KIF1C: variants seen among roughly 807,000 people sequenced by gnomAD.
KIF1C encodes kinesin family member 1C.
A neutral mutation model predicts 126.5 loss-of-function variants in KIF1C; 61 were observed. That is an observed-to-expected ratio of 0.48 (90% CI 0.39 to 0.60). KIF1C has a LOEUF of 0.60. KIF1C is among the 20% of genes least tolerant of loss of function. The pLI, the probability that KIF1C is intolerant of heterozygous loss-of-function variation, is 0.00. For synonymous variants in KIF1C, 640 were observed against 580.6 expected, an observed-to-expected ratio of 1.10 and a Z score of -1.47; for missense variants, 1,315 against 1,489.2, an observed-to-expected ratio of 0.88 and a Z score of 1.93.
In KIF1C at chr17:5,020,031, A is replaced by T. The variant is rs1975055352; in HGVS notation, c.1702A>T (p.Thr568Ser). The T allele has an allele frequency of 3.7e-6, 6 of 1,605,398 alleles. No homozygotes were observed. The South Asian group carries it at 6.7e-5, about 18-fold the overall frequency. ...TCTGGAGCCTTGTGAAGGAGCTGAG[A>T]CATATGTGAATGGGAAGCTTGTGAC... ...VTLEPCEGAE[T>S]YVNGKLVTEP... The change falls in exon 19 of 23, where the codon ACA becomes TCA. Residue 568 changes from threonine to serine, a missense_variant. By Grantham distance (58) the Thr-to-Ser change is moderately conservative. This residue lies in a region of KIF1C where 874 missense variants were observed against 1,053.2 expected (regional missense o/e 0.83). Coordinates refer to ENST00000320785, the MANE Select transcript of KIF1C (RefSeq NM_006612.6). This position sits in a 1 kb window ranked among gnomAD's most constrained non-coding sequence, Gnocchi z 5.8.
rs1294540883 is a variant in KIF1C at position 5,013,842 on chromosome 17, G to A, written c.1571+110G>A. 15 of 776,220 alleles carry A rather than the reference G, an allele frequency of 1.9e-5. No homozygotes were observed. The East Asian group carries it at 3.9e-4, about 20-fold the overall frequency. 48.1% of individuals were successfully genotyped at this position (776,220 alleles called of 1,614,324 possible). On this transcript the variant is annotated intron_variant, in intron 17 of 22. Transcript: ENST00000320785. Reference sequence around the variant, plus strand: ...CCTGGTGGTCCCTGGAGATACCTCAGATCTCTAAACAGCTGCCTCCACAGC... The same window carrying A: ...CCTGGTGGTCCCTGGAGATACCTCAAATCTCTAAACAGCTGCCTCCACAGC...
At chr17:5,015,582 C>CT (rs58961639) in intron 18 of KIF1C, among the ~76,000 whole-genome samples, 5,306 of 71,198 alleles carry the variant, frequency 0.075, 546 homozygotes, top group African/African-American at 0.11. Context: ...CTGCCCCCAG[C>CT]TTTTTTTTTT....
At position 5,020,346 on chromosome 17, in the gene KIF1C, G is replaced by A. The variant is rs1328957570; in HGVS notation, c.1751-146G>A. On this transcript the variant is annotated intron_variant, in intron 19 of 22. Transcript: ENST00000320785. This position sits in a 1 kb window ranked among gnomAD's most constrained non-coding sequence, Gnocchi z 5.8. ...GTTGGTCCCTGGGTGTCAGCCAGGG[G>A]AGCATAGGCTCCAACTGCCTTCAGA... is the stretch of plus-strand genomic sequence containing the variant. 9 of 870,164 alleles carry A rather than the reference G, an allele frequency of 1.0e-5. No homozygotes were observed. Among genetic ancestry groups the A allele is most frequent in the Middle Eastern group, 6.4e-4 (2 of 3,114 alleles). The allele number at this position is 870,164 out of a possible 1,614,324, so 53.9% of individuals were successfully genotyped here.
intron 13 of KIF1C, among the ~76,000 whole-genome samples, chr17:5,006,078 G>T (rs1177286257): frequency 6.7e-6 from 1 of 149,220 alleles, no homozygotes; most frequent in African/African-American, 2.5e-5. Context: ...GTGGTGGCAC[G>T]CACCTGTAAT....
chr17:5,020,139 G>A lies in KIF1C; in HGVS notation c.1750+60G>A. The A allele has an allele frequency of 7.6e-7, 1 of 1,318,854 alleles. No homozygotes were observed. Among genetic ancestry groups the A allele is most frequent in the Non-Finnish European group, 1.1e-6 (1 of 933,628 alleles). 81.7% of individuals were successfully genotyped at this position (1,318,854 alleles called of 1,614,324 possible). A position where few individuals can be genotyped will look rare whatever the true frequency, so the allele number is the denominator to read the frequency against. On this transcript the variant is annotated intron_variant, in intron 19 of 22. Transcript: ENST00000320785. The surrounding 1 kb of genome is among the most constrained non-coding windows in gnomAD (Gnocchi z 5.8). Reference sequence around the variant, plus strand: ...CGTGGCTGTGTGTAGGAAGTCTCAAGGGAGGTCCTTCTGGGTGCATCCTAG... The same window carrying A: ...CGTGGCTGTGTGTAGGAAGTCTCAAAGGAGGTCCTTCTGGGTGCATCCTAG...
intron 18 of KIF1C, among the ~76,000 whole-genome samples, chr17:5,018,963 C>T (rs908098070): frequency 3.9e-5 from 6 of 152,104 alleles, no homozygotes; most frequent in African/African-American, 1.4e-4. Context: ...ATGGCACCCC[C>T]TCTAGGCACC....
rs771628064 is a variant in KIF1C, at chr17:5,020,527, C to T, written c.1786C>T (p.Arg596Cys). Residue 596 changes from arginine (R) to cysteine (C), a missense_variant, in exon 20 of 23, where the codon CGC (arginine) becomes TGC (cysteine). Physicochemically the swap from Arg to Cys is radical, Grantham distance 180. Around this residue, in one of 2 missense-constraint regions of KIF1C, gnomAD observed 874 missense variants for 1,053.2 expected, o/e 0.83. Coordinates refer to ENST00000320785, the MANE Select transcript of KIF1C (RefSeq NM_006612.6). This position sits in a 1 kb window ranked among gnomAD's most constrained non-coding sequence, Gnocchi z 5.8. ...RIVMGKNHVF[R>C]FNHPEQARLE... is the part of the protein sequence containing the mutation. ...TGTGATGGGCAAGAACCACGTTTTC[C>T]GCTTCAACCACCCGGAGCAGGCAAG... is the stretch of plus-strand genomic sequence containing the variant. 1.9e-6 allele frequency: 3 copies of T among 1,614,052 alleles called. No individual in the cohort carries two copies. The highest frequency in any genetic ancestry group is 2.5e-6 in the Non-Finnish European group (3 of 1,179,924).
In KIF1C at chr17:5,020,560, C is replaced by T. The variant is rs762096055; in HGVS notation, c.1819C>T (p.Arg607Trp). Residue 607 changes from arginine (R) to tryptophan (W), a missense_variant, in exon 20 of 23, where the codon CGG (arginine) becomes TGG (tryptophan). By Grantham distance (101) the Arg-to-Trp change is moderately radical. This residue lies in a region of KIF1C where 874 missense variants were observed against 1,053.2 expected (regional missense o/e 0.83). Coordinates refer to ENST00000320785, the MANE Select transcript of KIF1C (RefSeq NM_006612.6). The surrounding 1 kb of genome is among the most constrained non-coding windows in gnomAD (Gnocchi z 5.8). ...CCACCCGGAGCAGGCAAGGCTGGAACGGGAACGAGGGGTCCCCCCACCCCC... is the reference window on the plus strand; with the variant it reads ...CCACCCGGAGCAGGCAAGGCTGGAATGGGAACGAGGGGTCCCCCCACCCCC... ...FNHPEQARLE[R>W]ERGVPPPPGP... 9.3e-6 allele frequency: 15 copies of T among 1,614,114 alleles called. No individual in the cohort carries two copies. The highest frequency in any genetic ancestry group is 2.7e-5 in the African/African-American group (2 of 74,950).
intron 16 of KIF1C, among the ~76,000 whole-genome samples, chr17:5,011,199 C>G (rs1974858788): frequency 6.6e-6 from 1 of 152,116 alleles, no homozygotes; most frequent in South Asian, 2.1e-4. Context: ...GAAGAGAGAA[C>G]TGTTAGACTC....
At chr17:5,013,295 G>A (rs747741671) in intron 16 of KIF1C, among the ~76,000 whole-genome samples, 1 of 152,122 alleles carries the variant, frequency 6.6e-6, no homozygotes. Flanking sequence ...GGGGGTCCGG[G>A]GCTTCTGGTG....
rs752616609 is a variant in KIF1C at position 5,007,034 on chromosome 17, C to T, written c.1285C>T (p.Pro429Ser). 1.9e-6 allele frequency: 3 copies of T among 1,607,714 alleles called. No individual in the cohort carries two copies. The highest frequency in any genetic ancestry group is 1.3e-5 in the African/African-American group (1 of 74,184). ...HNGELEPSFS[P>S]NTESQIGPEE... is the part of the protein sequence containing the mutation. ...TGGGGAGCTGGAGCCGTCATTCTCCCCCAACACGGAGTCCCAGATTGGGCC... is the reference window on the plus strand; with the variant it reads ...TGGGGAGCTGGAGCCGTCATTCTCCTCCAACACGGAGTCCCAGATTGGGCC... The change falls in exon 14 of 23, where the codon CCC (proline) becomes TCC (serine). Residue 429 changes from proline to serine, a missense_variant. By Grantham distance (74) the Pro-to-Ser change is moderately conservative. This residue lies in a region of KIF1C where 874 missense variants were observed against 1,053.2 expected (regional missense o/e 0.83). Coordinates refer to ENST00000320785, the MANE Select transcript of KIF1C (RefSeq NM_006612.6).
intron 13 of KIF1C, 66 bp downstream of exon 13, chr17:5,005,066 C>T: frequency 6.2e-6 from 10 of 1,603,066 alleles, no homozygotes; most frequent in Non-Finnish European, 8.5e-6. Flanking sequence ...CCTCACTTGC[C>T]TTTGCCCAGT....
intron 2 of KIF1C, 23 bp from the exon 3 acceptor site, chr17:5,000,197 C>A (rs767465633): frequency 1.3e-5 from 18 of 1,370,118 alleles, no homozygotes; most frequent in Non-Finnish European, 1.8e-5. Flanking sequence ...TCTGACCCCA[C>A]CACTCCTTTC....
rs769053728 is a variant in KIF1C at position 5,000,256 on chromosome 17, G to T, written c.10G>T (p.Ala4Ser). The T allele has an allele frequency of 1.1e-5, 17 of 1,571,218 alleles. No homozygotes were observed. Among genetic ancestry groups the T allele is most frequent in the Non-Finnish European group, 1.5e-5 (17 of 1,159,260 alleles). ...AGGAGTGTCTGGAGCTATGGCTGGT[G>T]CCTCGGTGAAAGTGGCAGTGAGGGT... MAG[A>S]SVKVAVRVRP... Residue 4 changes from alanine to serine, a missense_variant, in exon 3 of 23, where the codon GCC (alanine) becomes TCC (serine). Physicochemically the swap from Ala to Ser is moderately conservative, Grantham distance 99. This residue lies in a region of KIF1C where 874 missense variants were observed against 1,053.2 expected (regional missense o/e 0.83). Transcript: ENST00000320785.
rs62072492 is a variant in KIF1C, at chr17:5,023,927, C to T, written c.3088C>T (p.Arg1030Cys). The T allele has an allele frequency of 1.2e-4, 193 of 1,569,962 alleles. 1 individual carries two copies. The highest frequency in any genetic ancestry group is 1.7e-4 in the Middle Eastern group (1 of 5,830). The change falls in exon 23 of 23, where the codon CGC becomes TGC. Residue 1030 changes from arginine to cysteine, a missense_variant. Arg to Cys is a radical substitution (Grantham distance 180). This residue lies in a region of KIF1C where 441 missense variants were observed against 436.1 expected (regional missense o/e 1.01). Transcript: ENST00000320785. The surrounding 1 kb of genome is among the most constrained non-coding windows in gnomAD (Gnocchi z 4.2). ...PPSPRRSHHP[R>C]RNSLDGGGRS... ...GAGTCCCCGAAGGTCCCACCATCCCCGCAGGAACTCCCTGGATGGAGGGGG... is the reference window on the plus strand; with the variant it reads ...GAGTCCCCGAAGGTCCCACCATCCCTGCAGGAACTCCCTGGATGGAGGGGG...
At chr17:5,007,682 T>A in intron 16 of KIF1C, 140 bp downstream of exon 16, 1 of 572,012 alleles carries the variant, frequency 1.7e-6, no homozygotes, top group Non-Finnish European at 3.0e-6. Flanking sequence ...TTCTGTCCCC[T>A]CCCCTGCCAC....
Position 5,004,884 on chromosome 17 carries a change from G to A in KIF1C, c.1049G>A (p.Cys350Tyr), listed in dbSNP as rs148307470. Residue 350 changes from cysteine (C) to tyrosine (Y), a missense_variant, in exon 13 of 23, where the codon TGC (cysteine) becomes TAC (tyrosine). Cys to Tyr is a radical substitution (Grantham distance 194). Coordinates refer to ENST00000320785, the MANE Select transcript of KIF1C (RefSeq NM_006612.6). ...GCTGACCGCACCAAGCAAATCCGCT[G>A]CAATGCCATCATCAACGAGGACCCT... Reference protein sequence around the residue: ...RYADRTKQIRCNAIINEDPNA... With the variant: ...RYADRTKQIRYNAIINEDPNA... The A allele has an allele frequency of 9.9e-6, 16 of 1,614,136 alleles. No individual in the cohort carries two copies. The highest frequency in any genetic ancestry group is 1.7e-6 in the Non-Finnish European group (2 of 1,180,052).
chr17:5,002,809 C>T lies in KIF1C; in HGVS notation c.687C>T (p.Cys229=), dbSNP rs752006841. The change falls in exon 8 of 23, where the codon TGC becomes TGT. Residue 229 remains cysteine (C), a synonymous_variant. Coordinates refer to ENST00000320785, the MANE Select transcript of KIF1C (RefSeq NM_006612.6). ...AVFTIVFTQR[C]HDQLTGLDSE... Reference sequence around the variant, plus strand: ...TTACCATCGTCTTCACACAGCGCTGCCATGACCAGCTCACGGGGCTGGACT... The same window carrying T: ...TTACCATCGTCTTCACACAGCGCTGTCATGACCAGCTCACGGGGCTGGACT... 63 of 1,613,760 alleles carry T rather than the reference C, an allele frequency of 3.9e-5. No homozygotes were observed. The Admixed American group carries it at 8.3e-4, about 21-fold the overall frequency.
chr17:4,998,368 G>A (rs1974446361), intron 1 of KIF1C, among the ~76,000 whole-genome samples: 2 of 152,216 alleles, frequency 1.3e-5, no homozygotes. Context: ...TGAGAGGCCG[G>A]GCGGGGACCT....
Sources: gnomAD v4.1 joint callset for allele counts (sites outside exome capture counted in the v4.1 genomes callset) on GRCh38, gnomAD v4.1.1 for gene constraint, gnomAD v4.1.1 regional missense constraint, Gnocchi (gnomAD v3.1) non-coding constraint, MANE v1.5 for transcripts, NCBI Gene and HGNC (gene_info 2026-07-23, HGNC 2026-07-21) for gene names.